TCF20: variants seen among roughly 807,000 people sequenced by gnomAD.
TCF20 encodes the protein SPRE-binding protein.
In TCF20, 3 loss-of-function variants were observed where a neutral mutation model predicts 148.6. That is an observed-to-expected ratio of 0.02 (90% CI 0.01 to 0.05). TCF20 has a LOEUF of 0.05. Among genes scored for constraint, TCF20 ranks in the 10% least tolerant of loss-of-function variants. The probability of loss-of-function intolerance (pLI) is 1.00; values close to 1 mark genes in which losing one functional copy is unlikely to be tolerated. For synonymous variants in TCF20, 1,049 were observed against 909.5 expected (o/e 1.15, Z -2.76); for missense variants, 2,350 against 2,429.3 (o/e 0.97, Z 0.69).
chr22:42,320,820 G>A (rs903086611), intron 1 of TCF20, among the ~76,000 whole-genome samples: 1 of 152,178 alleles, frequency 6.6e-6, no homozygotes, highest in Admixed American at 6.5e-5. Flanking sequence ...TGGCAGAGGG[G>A]ACTCAGGTAC....
chr22:42,234,014 T>C (rs534700434), intron 1 of TCF20, among the ~76,000 whole-genome samples: 37 of 152,346 alleles, frequency 2.4e-4, no homozygotes, highest in African/African-American at 8.7e-4. Context: ...CACTTAAGTT[T>C]AGTACAAACA....
At chr22:42,223,266 A>G (rs1922549735) in intron 1 of TCF20, among the ~76,000 whole-genome samples, 2 of 152,202 alleles carry the variant, frequency 1.3e-5, no homozygotes, top group Non-Finnish European at 2.9e-5. Context: ...ATTTTTTCCA[A>G]AAGTCCAAAT....
chr22:42,245,290 C>T (rs540279906), intron 1 of TCF20, among the ~76,000 whole-genome samples: 9 of 151,904 alleles, frequency 5.9e-5, no homozygotes, highest in Non-Finnish European at 1.2e-4. Context: ...CACTATGCTG[C>T]CCAGGCTGGT....
chr22:42,324,109 G>GTGATGGAGGTTA (rs1927817414), intron 1 of TCF20, among the ~76,000 whole-genome samples: 1 of 140,066 alleles, frequency 7.1e-6, no homozygotes, highest in Non-Finnish European at 1.6e-5. Context: ...TATGGTGGTG[G>GTGATGGAGGTTA]TGGTGGTGGT....
intron 1 of TCF20, among the ~76,000 whole-genome samples, chr22:42,313,712 G>A (rs1292162306): frequency 6.8e-6 from 1 of 146,250 alleles, no homozygotes; most frequent in African/African-American, 2.6e-5. Context: ...CAGTTCTCCC[G>A]CCTCAGCCTC....
intron 1 of TCF20, among the ~76,000 whole-genome samples, chr22:42,266,926 T>C (rs1241402040): frequency 1.3e-5 from 2 of 152,258 alleles, no homozygotes; most frequent in Admixed American, 6.5e-5. Flanking sequence ...TTTTTTCCCT[T>C]GTAAGTTTTA....
chr22:42,277,426 G>A (rs1926804161), intron 1 of TCF20, among the ~76,000 whole-genome samples: 1 of 152,192 alleles, frequency 6.6e-6, no homozygotes, highest in Admixed American at 6.5e-5. Context: ...CACAGCAGAT[G>A]TACAATAGGG....
chr22:42,321,507 G>C (rs1419478345), intron 1 of TCF20, among the ~76,000 whole-genome samples: 2 of 150,360 alleles, frequency 1.3e-5, no homozygotes, highest in East Asian at 1.9e-4. Context: ...CAGGGCTCTT[G>C]TCCTCTCTTC....
intron 1 of TCF20, among the ~76,000 whole-genome samples, chr22:42,309,798 C>A (rs949481606): frequency 2.0e-5 from 3 of 152,200 alleles, no homozygotes; most frequent in Admixed American, 6.5e-5. Context: ...TTGCTGTCCT[C>A]GTCTGCAGAA....
chr22:42,188,293 C>CCAAAAAAAA (rs1937147114), intron 2 of TCF20, among the ~76,000 whole-genome samples: 2 of 49,470 alleles, frequency 4.0e-5, no homozygotes, highest in Admixed American at 3.6e-4. Flanking sequence ...AACTCCGTCT[C>CCAAAAAAAA]AAAAAAAAAA....
At position 42,213,995 on chromosome 22, in the gene TCF20, C is replaced by G. The variant is rs768331914; in HGVS notation, c.1311G>C (p.Gly437=). The change falls in exon 2 of 6, where the codon GGG becomes GGC. Residue 437 remains glycine, a synonymous_variant. Coordinates refer to ENST00000677622, the MANE Select transcript of TCF20 (RefSeq NM_001378418.1). ...TTTCTGGTACCCCTTCTAGTCCAAA[C>G]CCTTTGAAGCCTGCAGCATGAGAAT... ...SPNSHAAGFK[G]FGLEGVPEKR... is the part of the protein sequence containing the mutation. 1 of 1,614,076 alleles carries G rather than the reference C, an allele frequency of 6.2e-7. No individual in the cohort carries two copies. The highest frequency in any genetic ancestry group is 1.1e-5 in the South Asian group (1 of 91,090).
upstream of TCF20, among the ~76,000 whole-genome samples, chr22:42,272,518 C>A (rs193192394): frequency 2.6e-5 from 4 of 152,152 alleles, no homozygotes; most frequent in Non-Finnish European, 5.9e-5. Flanking sequence ...GACAATCTGT[C>A]GCAGAGCCTC....
chr22:42,237,425 T>A (rs1194610146), intron 1 of TCF20, among the ~76,000 whole-genome samples: 2 of 152,214 alleles, frequency 1.3e-5, no homozygotes, highest in African/African-American at 4.8e-5. Flanking sequence ...CTACCACATC[T>A]GCAGTTCCTG....
chr22:42,224,475 AT>A (rs1473224338), intron 1 of TCF20, among the ~76,000 whole-genome samples: 2 of 144,142 alleles, frequency 1.4e-5, no homozygotes, highest in African/African-American at 5.2e-5. Flanking sequence ...CAAAAAAAAA[AT>A]TTCCTAAAAA....
At chr22:42,293,914 C>T (rs952837021) in intron 1 of TCF20, among the ~76,000 whole-genome samples, 5 of 152,198 alleles carry the variant, frequency 3.3e-5, no homozygotes, top group African/African-American at 4.8e-5. Flanking sequence ...GCAGGAGAAT[C>T]GCTTGAACCC....
At chr22:42,238,761 C>T (rs146041911) in intron 1 of TCF20, among the ~76,000 whole-genome samples, 1 of 152,296 alleles carries the variant, frequency 6.6e-6, no homozygotes, top group African/African-American at 2.4e-5. Flanking sequence ...CTATACACAA[C>T]ATGTATATAT....
chr22:42,270,374 C>A lies in TCF20; in HGVS notation c.-72G>T, dbSNP rs1255769183. ...CCCCCGCCCAGTCCCTCGGCCTCCGCCGGGGGCGGGCGGGGAGGGAGCGGT... is the reference window on the plus strand; with the variant it reads ...CCCCCGCCCAGTCCCTCGGCCTCCGACGGGGGCGGGCGGGGAGGGAGCGGT... On this transcript the variant is annotated 5_prime_UTR_variant, in exon 1 of 6. Transcript: ENST00000677622. 6.6e-6 allele frequency among the ~76,000 whole-genome samples: 1 copy of A among 151,114 alleles called. No individual in the cohort carries two copies. Among genetic ancestry groups the A allele is most frequent in the Non-Finnish European group, 1.5e-5 (1 of 67,620 alleles).
chr22:42,190,114 G>A (rs1191150602), intron 2 of TCF20, among the ~76,000 whole-genome samples: 4 of 152,238 alleles, frequency 2.6e-5, no homozygotes, highest in East Asian at 3.9e-4. Flanking sequence ...TGGGAAAAAA[G>A]GGCACGGTGG....
rs117247962 is a variant in TCF20, at chr22:42,314,874, G to A, written c.-37+28605C>T. On this transcript the variant is annotated intron_variant, in intron 1 of 1. Transcript: ENST00000515426. The stretch of plus-strand genomic sequence containing the variant: ...CTCCAGAACCCCTCCCTCCAGCCCC[G>A]ACCCAGGGAGGAGGGGAGCGGCTGA... 3.5e-3 allele frequency among the ~76,000 whole-genome samples: 537 copies of A among 152,232 alleles called. 24 individuals carry two copies. The East Asian group carries it at 0.096, about 27-fold the overall frequency.
Sources: allele counts gnomAD v4.1 joint callset (sites outside exome capture counted in the v4.1 genomes callset), GRCh38; gene constraint gnomAD v4.1.1; transcripts MANE v1.5; gene names NCBI Gene and HGNC (gene_info 2026-07-23, HGNC 2026-07-21).